SUCLG2: variants seen among roughly 807,000 people sequenced by gnomAD.
SUCLG2 encodes succinate--CoA ligase [GDP-forming] subunit beta, mitochondrial.
Under a neutral mutation model 47.9 loss-of-function variants are expected in SUCLG2, and 42 were observed. The ratio of observed to expected loss-of-function variants is 0.88; its 90% confidence interval spans 0.69 to 1.14. The LOEUF (loss-of-function observed/expected upper bound fraction) is 1.14, where lower values mean the gene tolerates loss of function less well. Ranked by LOEUF, SUCLG2 falls within the 50% of genes most tolerant of loss-of-function variation. The pLI, the probability that SUCLG2 is intolerant of heterozygous loss-of-function variation, is 0.00. For synonymous variants in SUCLG2, 195 were observed against 197.3 expected (o/e 0.99, Z 0.10); for missense variants, 571 against 525.9 (o/e 1.09, Z -0.84).
At chr3:67,615,095 A>T (rs1700600450) in intron 1 of SUCLG2, among the ~76,000 whole-genome samples, 1 of 152,148 alleles carries the variant, frequency 6.6e-6, no homozygotes, top group Admixed American at 6.5e-5. Flanking sequence ...AGCAACACAT[A>T]AAGATTTAAG....
intron 1 of SUCLG2, among the ~76,000 whole-genome samples, chr3:67,628,140 T>C (rs564298468): frequency 1.6e-4 from 25 of 152,318 alleles, no homozygotes; most frequent in South Asian, 1.0e-3. Context: ...AAGACATATA[T>C]AAATACATAG....
chr3:67,567,912 CAG>C, intron 2 of SUCLG2, among the ~76,000 whole-genome samples: 3 of 152,228 alleles, frequency 2.0e-5, no homozygotes, highest in Middle Eastern at 3.4e-3. Context: ...TAAAAACAGA[CAG>C]AGAGGGAGAA....
intron 10 of SUCLG2, among the ~76,000 whole-genome samples, chr3:67,362,885 G>C (rs1156377369): frequency 6.6e-6 from 1 of 152,154 alleles, no homozygotes; most frequent in Non-Finnish European, 1.5e-5. Flanking sequence ...AGTCCAGCCT[G>C]CTTGCCTCTG....
chr3:67,485,943 T>C (rs1048230225), intron 9 of SUCLG2, among the ~76,000 whole-genome samples: 1 of 152,242 alleles, frequency 6.6e-6, no homozygotes, highest in African/African-American at 2.4e-5. Flanking sequence ...TTTTTTACTT[T>C]ACATTTAGAC....
chr3:67,558,121 CTTATTA>C (rs1030392874), intron 2 of SUCLG2, among the ~76,000 whole-genome samples: 1 of 152,100 alleles, frequency 6.6e-6, no homozygotes, highest in Non-Finnish European at 1.5e-5. Flanking sequence ...TTTATAGTTA[CTTATTA>C]TTATGTGCAA....
Position 67,375,821 on chromosome 3 carries a change from T to G in SUCLG2, c.1222A>C (p.Ser408Arg), listed in dbSNP as rs1275049364. The G allele has an allele frequency of 1.9e-6, 3 of 1,613,960 alleles. No individual in the cohort carries two copies. Among genetic ancestry groups the G allele is most frequent in the East Asian group, 4.5e-5 (2 of 44,876 alleles). ...ATGGCTGAAGTAATGGGGAGTCCGCTGTTGTTGAGTATCTTCTGGGCCTCT... is the reference window on the plus strand; with the variant it reads ...ATGGCTGAAGTAATGGGGAGTCCGCGGTTGTTGAGTATCTTCTGGGCCTCT... Reference protein sequence around the residue: ...VQEAQKILNNSGLPITSAIDL... With the variant: ...VQEAQKILNNRGLPITSAIDL... The change falls in exon 11 of 11, where the codon AGC (serine) becomes CGC (arginine). Residue 408 changes from serine (S) to arginine (R), a missense_variant. Ser to Arg is a moderately radical substitution (Grantham distance 110). Transcript: ENST00000307227.
At chr3:67,650,720 G>A (rs184672215) in intron 1 of SUCLG2, among the ~76,000 whole-genome samples, 8 of 152,170 alleles carry the variant, frequency 5.3e-5, no homozygotes, top group South Asian at 2.1e-4. Flanking sequence ...TCAGGCCACC[G>A]CACTCCAGCC....
At position 67,654,523 on chromosome 3, in the gene SUCLG2, A is replaced by G; in HGVS notation, c.64T>C (p.Phe22Leu). The G allele has an allele frequency of 8.0e-7, 1 of 1,250,802 alleles. No homozygotes were observed. Among genetic ancestry groups the G allele is most frequent in the African/African-American group, 1.5e-5 (1 of 65,226 alleles). The allele number at this position is 1,250,802 out of a possible 1,614,324, so 77.5% of individuals were successfully genotyped here. A position where few individuals can be genotyped will look rare whatever the true frequency, so the allele number is the denominator to read the frequency against. ...LLRALALRPR[F>L]LAAGSQAVQL... is the part of the protein sequence containing the mutation. ...CTCACCTGGGACCCGGCCGCCAGGA[A>G]GCGGGGCCGCAGCGCTAGGGCTCGC... The change falls in exon 1 of 11, where the codon TTC becomes CTC. Residue 22 changes from phenylalanine (F) to leucine (L), a missense_variant. Transcript: ENST00000307227.
intron 2 of SUCLG2, among the ~76,000 whole-genome samples, chr3:67,568,652 C>T (rs1707530603): frequency 6.6e-6 from 1 of 152,140 alleles, no homozygotes; most frequent in Admixed American, 6.5e-5. Context: ...CTTTGGGAGG[C>T]CGAGGCGGGC....
chr3:67,541,871 T>C (rs1247377606), intron 2 of SUCLG2, among the ~76,000 whole-genome samples: 1 of 151,556 alleles, frequency 6.6e-6, no homozygotes, highest in Non-Finnish European at 1.5e-5. Flanking sequence ...ACATTCTTTT[T>C]CTTTTTTTTT....
At chr3:67,414,017 T>A (rs1174163184) in intron 9 of SUCLG2, among the ~76,000 whole-genome samples, 1 of 152,322 alleles carries the variant, frequency 6.6e-6, no homozygotes, top group East Asian at 1.9e-4. Flanking sequence ...GCTTCTTGGG[T>A]TGAAAAAAAT....
chr3:67,639,636 A>C (rs950615262), intron 1 of SUCLG2, among the ~76,000 whole-genome samples: 1 of 151,904 alleles, frequency 6.6e-6, no homozygotes, highest in Admixed American at 6.6e-5. Context: ...CCTAACTACA[A>C]CTCTGAGGTG....
chr3:67,594,765 T>C (rs955669186), intron 2 of SUCLG2, among the ~76,000 whole-genome samples: 1 of 152,240 alleles, frequency 6.6e-6, no homozygotes, highest in Non-Finnish European at 1.5e-5. Flanking sequence ...ATTTTTATTA[T>C]TGAAAACAGA....
intron 10 of SUCLG2, among the ~76,000 whole-genome samples, chr3:67,390,779 T>C (rs1702362835): frequency 6.6e-6 from 1 of 152,226 alleles, no homozygotes; most frequent in South Asian, 2.1e-4. Context: ...ACAGTCAGTG[T>C]ACAAAGCGTT....
intron 7 of SUCLG2, among the ~76,000 whole-genome samples, chr3:67,499,793 G>A (rs751252155): frequency 1.3e-5 from 2 of 151,900 alleles, no homozygotes; most frequent in Admixed American, 6.6e-5. Flanking sequence ...GTGCAGTGGC[G>A]CAATCTCGGC....
chr3:67,554,187 T>C (rs538532732), intron 2 of SUCLG2, among the ~76,000 whole-genome samples: 2 of 152,330 alleles, frequency 1.3e-5, no homozygotes, highest in African/African-American at 4.8e-5. Context: ...ATCTCAAAGA[T>C]GGCATCCCGG....
chr3:67,582,586 A>G (rs772856596), intron 2 of SUCLG2, among the ~76,000 whole-genome samples: 1 of 152,184 alleles, frequency 6.6e-6, no homozygotes. Context: ...ATATATGTGC[A>G]TGTGTCTTCA....
chr3:67,556,315 T>A (rs1198830523), intron 2 of SUCLG2, among the ~76,000 whole-genome samples: 2 of 152,160 alleles, frequency 1.3e-5, no homozygotes, highest in Non-Finnish European at 2.9e-5. Context: ...CTTGGAGGGC[T>A]GAATGCTGAT....
intron 9 of SUCLG2, among the ~76,000 whole-genome samples, chr3:67,431,405 C>A (rs934477081): frequency 1.3e-5 from 2 of 152,092 alleles, no homozygotes; most frequent in African/African-American, 2.4e-5. Flanking sequence ...ATTCAACACC[C>A]CTTCATGCTA....
Sources: allele counts gnomAD v4.1 joint callset (sites outside exome capture counted in the v4.1 genomes callset), GRCh38; gene constraint gnomAD v4.1.1; transcripts MANE v1.5; gene names NCBI Gene and HGNC (gene_info 2026-07-23, HGNC 2026-07-21).